GALNT9: variants seen among roughly 807,000 people sequenced by gnomAD.
GALNT9 encodes the protein polypeptide N-acetylgalactosaminyltransferase 9.
Under a neutral mutation model 63.1 loss-of-function variants are expected in GALNT9, and 47 were observed. The ratio of observed to expected loss-of-function variants is 0.75; its 90% CI spans 0.59 to 0.95. The LOEUF (loss-of-function observed/expected upper bound fraction) is 0.95, where lower values mean the gene tolerates loss of function less well. Ranked by LOEUF, GALNT9 falls within the 40% of genes least tolerant of loss-of-function variation. GALNT9 has a pLI of 0.00. For missense variants in GALNT9, 829 were observed against 874.8 expected (o/e 0.95, Z 0.66); for synonymous variants, 396 against 365.7 (o/e 1.08, Z -0.94).
chr12:132,279,735 T>A lies in GALNT9; in HGVS notation c.419+6515A>T, dbSNP rs1487341010. ...CCTTCAGGCCGTGGGGAGAAGAACA[T>A]CCCAGTGCGGTCACTTCCTGGATCC... On this transcript the variant is annotated intron_variant, in intron 2 of 10. Coordinates refer to ENST00000328957, the MANE Select transcript of GALNT9 (RefSeq NM_001122636.2). The surrounding 1 kb of genome is among the most constrained non-coding windows in gnomAD (Gnocchi z 4.1). The A allele has an allele frequency of 6.6e-6, 1 of 152,354 alleles. No homozygotes were observed. Among genetic ancestry groups the A allele is most frequent in the Admixed American group, 6.5e-5 (1 of 15,288 alleles). The allele number at this position is 152,354 out of a possible 1,614,324, so 9.4% of individuals were successfully genotyped here.
chr12:132,286,505 G>T lies in GALNT9; in HGVS notation c.239-75C>A. 2 of 1,439,972 alleles carry T rather than the reference G, an allele frequency of 1.4e-6. No homozygotes were observed. The highest frequency in any genetic ancestry group is 1.8e-6 in the Non-Finnish European group (2 of 1,095,466). The allele number at this position is 1,439,972 out of a possible 1,614,324, so 89.2% of individuals were successfully genotyped here. A position where few individuals can be genotyped will look rare whatever the true frequency, so the allele number is the denominator to read the frequency against. On this transcript the variant is annotated intron_variant, in intron 1 of 10. Transcript: ENST00000328957. The surrounding 1 kb of genome is among the most constrained non-coding windows in gnomAD (Gnocchi z 7.4). The stretch of plus-strand genomic sequence containing the variant: ...TCTGCACCCAGGAGACGCCCCTCCC[G>T]CCCCTCTCCCCGACGGCCGCTTCCC...
At chr12:132,240,853 C>A (rs1344932464) in intron 6 of GALNT9, 3 of 387,416 alleles carry the variant, frequency 7.7e-6, no homozygotes, top group Non-Finnish European at 1.6e-5. Context: ...ACACACCACA[C>A]CCCCTTCCCA....
chr12:132,239,646 A>G (rs957987902), intron 6 of GALNT9, among the ~76,000 whole-genome samples: 1 of 151,132 alleles, frequency 6.6e-6, no homozygotes, highest in African/African-American at 2.4e-5. Context: ...AGAGTCAGAG[A>G]CAGAGTCAGA....
intron 2 of GALNT9, among the ~76,000 whole-genome samples, chr12:132,271,199 A>G (rs369778812): frequency 3.3e-5 from 5 of 152,038 alleles, no homozygotes; most frequent in East Asian, 2.0e-4. Context: ...ACACGTGAAC[A>G]GCCTGTGTGT....
chr12:132,328,901 C>A, intron 1 of GALNT9, 65 bp downstream of exon 1: 2 of 1,423,784 alleles, frequency 1.4e-6, no homozygotes, highest in South Asian at 1.5e-5. Flanking sequence ...CCTGACCCAT[C>A]GCGCCCGGGG....
At chr12:132,284,939 A>G (rs1880531100) in intron 2 of GALNT9, among the ~76,000 whole-genome samples, 1 of 152,206 alleles carries the variant, frequency 6.6e-6, no homozygotes, top group Admixed American at 6.5e-5. Context: ...CACATGGGGA[A>G]CCCCAGAGCA....
chr12:132,311,625 A>C (rs1350890363), intron 1 of GALNT9, among the ~76,000 whole-genome samples: 2 of 152,236 alleles, frequency 1.3e-5, no homozygotes, highest in Non-Finnish European at 2.9e-5. Context: ...ACTCCAGGCC[A>C]GGGCAGCTGC....
rs55815249 is a variant in GALNT9, at chr12:132,282,025, C to T, written c.419+4225G>A. Among the ~76,000 whole-genome samples the T allele has an allele frequency of 8.1e-5, 11 of 135,728 alleles. No individual in the cohort carries two copies. The highest frequency in any genetic ancestry group is 2.2e-4 in the African/African-American group (7 of 32,114). The allele number at this position is 135,728 out of a possible 152,430, so 89.0% of individuals were successfully genotyped here. A position where few individuals can be genotyped will look rare whatever the true frequency, so the allele number is the denominator to read the frequency against. The stretch of plus-strand genomic sequence containing the variant: ...CAGCAAGGCCAGGCCTGGGGGTCCC[C>T]GATCCCACAGAGGAGGAATCAGCTC... On this transcript the variant is annotated intron_variant, in intron 2 of 10. Transcript: ENST00000328957. The surrounding 1 kb of genome is among the most constrained non-coding windows in gnomAD (Gnocchi z 4.5).
chr12:132,286,224 G>C lies in GALNT9; in HGVS notation c.419+26C>G. 3.3e-6 allele frequency: 5 copies of C among 1,537,312 alleles called. No individual in the cohort carries two copies. The highest frequency in any genetic ancestry group is 4.4e-6 in the Non-Finnish European group (5 of 1,137,896). On this transcript the variant is annotated intron_variant, in intron 2 of 10. Transcript: ENST00000328957. This position sits in a 1 kb window ranked among gnomAD's most constrained non-coding sequence, Gnocchi z 7.4. ...CGGTCACTTCCTCGGCGGGCGTCGG[G>C]GGATGGGGGGCAGTCACTCACTCAC...
intron 6 of GALNT9, among the ~76,000 whole-genome samples, chr12:132,227,123 G>A (rs915651005): frequency 6.6e-6 from 1 of 152,078 alleles, no homozygotes; most frequent in Admixed American, 6.5e-5. Context: ...GAAAATATGC[G>A]TTTCCTGAGT....
Position 132,282,328 on chromosome 12 carries a change from G to T in GALNT9, c.419+3922C>A, listed in dbSNP as rs1291985887. On this transcript the variant is annotated intron_variant, in intron 2 of 10. Transcript: ENST00000328957. This position sits in a 1 kb window ranked among gnomAD's most constrained non-coding sequence, Gnocchi z 4.5. ...ACATCCCACAGAGGGGGAATCCAAT[G>T]GGACCCCTGCAGCTCTAAGAACAGA... is the stretch of plus-strand genomic sequence containing the variant. Among the ~76,000 whole-genome samples the T allele has an allele frequency of 3.9e-5, 6 of 152,310 alleles. No homozygotes were observed. The East Asian group carries it at 1.2e-3, about 29-fold the overall frequency.
At chr12:132,203,462 A>G in intron 7 of GALNT9, 43 bp downstream of exon 7, 1 of 1,603,174 alleles carries the variant, frequency 6.2e-7, no homozygotes, top group Non-Finnish European at 8.5e-7. Flanking sequence ...ATTGACCCCG[A>G]CCCTGGGGCA....
At chr12:132,259,343 C>T (rs1879274865) in intron 4 of GALNT9, among the ~76,000 whole-genome samples, 1 of 152,250 alleles carries the variant, frequency 6.6e-6, no homozygotes, top group Admixed American at 6.5e-5. Context: ...GACTAAAAGG[C>T]TGCCGGTGTA....
intron 2 of GALNT9, chr12:132,284,205 GTGCACACACAGAC>G (rs1880494232): frequency 6.7e-6 from 1 of 148,566 alleles, no homozygotes; most frequent in Non-Finnish European, 1.5e-5. Flanking sequence ...GTGTGCACAC[GTGCACACACAGAC>G]TCCTGTGCAC....
At chr12:132,264,940 G>C (rs930607786) in intron 2 of GALNT9, among the ~76,000 whole-genome samples, 5 of 152,262 alleles carry the variant, frequency 3.3e-5, no homozygotes, top group Middle Eastern at 3.4e-3. Context: ...CTCAGTCTCC[G>C]GCACAATGAG....
chr12:132,200,157 T>C (rs950681479), intron 8 of GALNT9, among the ~76,000 whole-genome samples: 5 of 152,092 alleles, frequency 3.3e-5, no homozygotes, highest in African/African-American at 9.7e-5. Context: ...CAGCGCAGGG[T>C]GGACCAGGAG....
intron 8 of GALNT9, among the ~76,000 whole-genome samples, chr12:132,200,076 G>T (rs1875904203): frequency 6.6e-6 from 1 of 152,170 alleles, no homozygotes; most frequent in Middle Eastern, 3.2e-3. Flanking sequence ...AGGGAGGCTG[G>T]GGGAGAGGGG....
intron 2 of GALNT9, among the ~76,000 whole-genome samples, chr12:132,269,771 C>T (rs1458914012): frequency 6.6e-6 from 1 of 152,228 alleles, no homozygotes; most frequent in African/African-American, 2.4e-5. Flanking sequence ...GCACGTGGCG[C>T]CTGCTGGGAC....
chr12:132,295,051 C>T (rs1209394434), intron 1 of GALNT9, among the ~76,000 whole-genome samples: 2 of 152,262 alleles, frequency 1.3e-5, no homozygotes, highest in African/African-American at 2.4e-5. Flanking sequence ...GACCAAATCC[C>T]TCTAAACGCA....
Sources: allele counts gnomAD v4.1 joint callset (sites outside exome capture counted in the v4.1 genomes callset), GRCh38; gene constraint gnomAD v4.1.1; non-coding constraint Gnocchi (gnomAD v3.1); transcripts MANE v1.5; gene names NCBI Gene and HGNC (gene_info 2026-07-23, HGNC 2026-07-21).